Variants in AIG1 observed in about 807,000 individuals in gnomAD.
The protein encoded by AIG1 is androgen-induced gene 1 protein.
A neutral mutation model predicts 31.4 loss-of-function variants in AIG1; 23 were observed. That is an observed-to-expected ratio of 0.73 (90% CI 0.53 to 1.04). The LOEUF is 1.04. AIG1 is among the 50% of genes least tolerant of loss of function. The pLI is 0.00. For missense variants in AIG1, 274 were observed against 295.0 expected (o/e 0.93, Z 0.52); for synonymous variants, 100 against 110.5 (o/e 0.90, Z 0.60).
intron 4 of AIG1, among the ~76,000 whole-genome samples, chr6:143,312,790 A>G (rs146904787): frequency 6.6e-6 from 1 of 151,166 alleles, no homozygotes; most frequent in East Asian, 1.9e-4. Flanking sequence ...TTGGGAAAAA[A>G]AATACTTGAA....
intron 1 of AIG1, among the ~76,000 whole-genome samples, chr6:143,082,320 A>T (rs954460065): frequency 1.3e-5 from 2 of 152,160 alleles, no homozygotes; most frequent in African/African-American, 4.8e-5. Context: ...CCATCAGTAT[A>T]CAAGTTGAGG....
chr6:143,125,282 T>C lies in AIG1; in HGVS notation c.142-11553T>C, dbSNP rs76293283. On this transcript the variant is annotated intron_variant, in intron 1 of 5. Transcript: ENST00000357847. Reference sequence around the variant, plus strand: ...ATTGTGCTTAAATCTAAATGTCATATACTTAGCAAAAGGAGATACTGCTAA... The same window carrying C: ...ATTGTGCTTAAATCTAAATGTCATACACTTAGCAAAAGGAGATACTGCTAA... Among the ~76,000 whole-genome samples, 1,289 of 152,346 alleles carry C rather than the reference T, an allele frequency of 8.5e-3. 20 individuals carry two copies. The highest frequency in any genetic ancestry group is 0.03 in the African/African-American group (1,238 of 41,576).
chr6:143,130,658 G>A (rs1404538554), intron 1 of AIG1, among the ~76,000 whole-genome samples: 1 of 152,136 alleles, frequency 6.6e-6, no homozygotes, highest in African/African-American at 2.4e-5. Context: ...GGCAGAAGTT[G>A]CAGTGAACTG....
At chr6:143,208,464 C>T (rs1243300237) in intron 3 of AIG1, among the ~76,000 whole-genome samples, 6 of 152,130 alleles carry the variant, frequency 3.9e-5, no homozygotes, top group Admixed American at 3.9e-4. Context: ...GACACATATG[C>T]AGCCAACTCT....
chr6:143,268,272 T>A lies in AIG1; in HGVS notation c.400-15838T>A, dbSNP rs1796287952. On this transcript the variant is annotated intron_variant, in intron 3 of 5. Coordinates refer to ENST00000357847, the MANE Select transcript of AIG1 (RefSeq NM_016108.4). This position sits in a 1 kb window ranked among gnomAD's most constrained non-coding sequence, Gnocchi z 5.0. ...AGCATGTTTCTTCCTCCAGCCCCCT[T>A]CCCCGTTGCTCTGCCTCATGAGGGA... is the stretch of plus-strand genomic sequence containing the variant. 1.3e-5 allele frequency among the ~76,000 whole-genome samples: 2 copies of A among 152,122 alleles called. No individual in the cohort carries two copies. The highest frequency in any genetic ancestry group is 4.8e-5 in the African/African-American group (2 of 41,416).
At chr6:143,215,411 C>T (rs1017333233) in intron 3 of AIG1, among the ~76,000 whole-genome samples, 1 of 152,054 alleles carries the variant, frequency 6.6e-6, no homozygotes, top group African/African-American at 2.4e-5. Flanking sequence ...GGGTATGTGG[C>T]CACCAACAAT....
chr6:143,122,923 T>C (rs979591451), intron 1 of AIG1, among the ~76,000 whole-genome samples: 1 of 152,180 alleles, frequency 6.6e-6, no homozygotes, highest in Non-Finnish European at 1.5e-5. Flanking sequence ...CTAAGCCCTA[T>C]GATCTATCTC....
rs1798608331 is a variant in AIG1 at position 143,298,642 on chromosome 6, G to C, written c.515+14417G>C. 1 of 152,368 alleles carries C rather than the reference G, an allele frequency of 6.6e-6. No individual in the cohort carries two copies. The highest frequency in any genetic ancestry group is 2.4e-5 in the African/African-American group (1 of 41,444). 9.4% of individuals were successfully genotyped at this position (152,368 alleles called of 1,614,324 possible). A position where few individuals can be genotyped will look rare whatever the true frequency, so the allele number is the denominator to read the frequency against. On this transcript the variant is annotated intron_variant, in intron 4 of 5. Transcript: ENST00000357847. The surrounding 1 kb of genome is among the most constrained non-coding windows in gnomAD (Gnocchi z 5.1). ...GCCTGGACAACATAGCAAGCTAATAGTCCCAGCTAATCAGGGGGCTGAGGT... is the reference window on the plus strand; with the variant it reads ...GCCTGGACAACATAGCAAGCTAATACTCCCAGCTAATCAGGGGGCTGAGGT...
chr6:143,170,264 G>T (rs9496534), intron 3 of AIG1, among the ~76,000 whole-genome samples: 48,766 of 151,630 alleles, frequency 0.32, 7,928 homozygotes, highest in Admixed American at 0.38. Flanking sequence ...CAATCTCATT[G>T]CTTGTTATTG....
At chr6:143,206,497 CA>C (rs1791117735) in intron 3 of AIG1, among the ~76,000 whole-genome samples, 1 of 152,130 alleles carries the variant, frequency 6.6e-6, no homozygotes. Flanking sequence ...CACTCATTTT[CA>C]GATTTCAGAG....
intron 3 of AIG1, among the ~76,000 whole-genome samples, chr6:143,172,326 G>T (rs1333345437): frequency 2.6e-5 from 4 of 152,150 alleles, no homozygotes; most frequent in African/African-American, 7.2e-5. Context: ...AGATGATCAT[G>T]TAATTATTTA....
At position 143,326,000 on chromosome 6, in the gene AIG1, A is replaced by G. The variant is rs1776576327; in HGVS notation, c.516-7282A>G. Among the ~76,000 whole-genome samples the G allele has an allele frequency of 6.6e-6, 1 of 152,168 alleles. No individual in the cohort carries two copies. Among genetic ancestry groups the G allele is most frequent in the Non-Finnish European group, 1.5e-5 (1 of 68,018 alleles). ...CCTAAAGATTTAACAACCAGCTCTC[A>G]TGACAATCTCCAGCACGCCACACTC... On this transcript the variant is annotated intron_variant, in intron 4 of 5. Transcript: ENST00000357847. The surrounding 1 kb of genome is among the most constrained non-coding windows in gnomAD (Gnocchi z 4.3).
intron 1 of AIG1, among the ~76,000 whole-genome samples, 197 bp from the exon 2 acceptor site, chr6:143,136,638 G>A (rs138490589): frequency 6.6e-6 from 1 of 152,316 alleles, no homozygotes; most frequent in Non-Finnish European, 1.5e-5. Context: ...GAAAATGGAA[G>A]TGGTGTTTTA....
chr6:143,206,306 A>G (rs1791102928), intron 3 of AIG1, among the ~76,000 whole-genome samples: 2 of 152,194 alleles, frequency 1.3e-5, no homozygotes, highest in South Asian at 2.1e-4. Context: ...TTCCTTCTCA[A>G]GGTAGTTCTT....
At position 143,184,316 on chromosome 6, in the gene AIG1, C is replaced by A. The variant is rs571188456; in HGVS notation, c.399+19133C>A. ...CCTGTGTTCCCCTCATGTTCTCTTT[C>A]CACGAAGATTTCACTCTCTCCCATG... On this transcript the variant is annotated intron_variant, in intron 3 of 5. Transcript: ENST00000357847. Among the ~76,000 whole-genome samples, 8 of 152,290 alleles carry A rather than the reference C, an allele frequency of 5.3e-5. No homozygotes were observed. In the East Asian group the frequency reaches 1.5e-3, roughly 29 times the overall value.
chr6:143,061,119 T>TGTGTGC (rs908794524), intron 1 of AIG1, 53 bp downstream of exon 1: 4 of 298,540 alleles, frequency 1.3e-5, no homozygotes, highest in African/African-American at 1.0e-4. Flanking sequence ...TGTGTGTGCG[T>TGTGTGC]GTGTGTGTGT....
chr6:143,095,517 GA>G (rs745467804), intron 1 of AIG1, among the ~76,000 whole-genome samples: 1 of 152,054 alleles, frequency 6.6e-6, no homozygotes, highest in Non-Finnish European at 1.5e-5. Context: ...ACCTAGTAAG[GA>G]GCAAAAATTA....
At chr6:143,200,458 T>A (rs1790608662) in intron 3 of AIG1, among the ~76,000 whole-genome samples, 1 of 151,968 alleles carries the variant, frequency 6.6e-6, no homozygotes, top group South Asian at 2.1e-4. Context: ...AGTGCCCCCA[T>A]ATCTCTACTT....
chr6:143,215,391 AT>A (rs1166498004), intron 3 of AIG1, among the ~76,000 whole-genome samples: 1 of 152,090 alleles, frequency 6.6e-6, no homozygotes, highest in Non-Finnish European at 1.5e-5. Flanking sequence ...ATAGACTCTT[AT>A]TTTTATCTGG....
Sources: allele counts gnomAD v4.1 joint callset (sites outside exome capture counted in the v4.1 genomes callset), GRCh38; gene constraint gnomAD v4.1.1; non-coding constraint Gnocchi (gnomAD v3.1); transcripts MANE v1.5; gene names NCBI Gene and HGNC (gene_info 2026-07-23, HGNC 2026-07-21).